Variants in RANBP2 observed in about 807,000 individuals in gnomAD.
The protein encoded by RANBP2 is E3 SUMO-protein ligase RanBP2.
RANBP2 carries 57 observed loss-of-function variants against 303.6 expected under a neutral mutation model. That is an observed-to-expected ratio of 0.19 (90% CI 0.15 to 0.23). The LOEUF is 0.23. Among genes scored for constraint, RANBP2 ranks in the 10% least tolerant of loss-of-function variants. The pLI, the probability that RANBP2 is intolerant of heterozygous loss-of-function variation, is 1.00. For synonymous variants in RANBP2, 1,167 were observed against 1,301.5 expected (o/e 0.90, Z 2.23); for missense variants, 3,138 against 3,780.8 (o/e 0.83, Z 4.46).
the RANBP2 span, among the ~76,000 whole-genome samples, chr2:109,558,444 A>G: frequency 1.3e-5 from 2 of 152,230 alleles, no homozygotes; most frequent in Non-Finnish European, 2.9e-5. Context: ...ATTTTGTGCT[A>G]AAAAGTTAAA....
At chr2:109,012,533 T>G in the RANBP2 span, among the ~76,000 whole-genome samples, 1 of 152,174 alleles carries the variant, frequency 6.6e-6, no homozygotes, top group African/African-American at 2.4e-5. Flanking sequence ...CCTCCGGCAC[T>G]TCACAGAATG....
chr2:109,437,048 C>T, the RANBP2 span: 1 of 1,613,836 alleles, frequency 6.2e-7, no homozygotes, highest in Non-Finnish European at 8.5e-7. Flanking sequence ...ACTCCCCAGG[C>T]CCACGCCCAG....
At chr2:109,247,999 A>G in the RANBP2 span, among the ~76,000 whole-genome samples, 5 of 152,192 alleles carry the variant, frequency 3.3e-5, no homozygotes, top group African/African-American at 1.2e-4. Flanking sequence ...CTCATTAGCC[A>G]AAGGAAGTCA....
chr2:109,647,533 A>T, the RANBP2 span, among the ~76,000 whole-genome samples: 1 of 151,158 alleles, frequency 6.6e-6, no homozygotes, highest in East Asian at 2.0e-4. Flanking sequence ...CAATGGCGTG[A>T]TCTCGGCTCA....
intron 23 of RANBP2, 96 bp from the exon 24 acceptor site, chr2:108,775,634 GAA>G: frequency 1.5e-6 from 2 of 1,294,472 alleles, no homozygotes; most frequent in Non-Finnish European, 2.2e-6. Flanking sequence ...ATCTTCTCCA[GAA>G]GCCCAAGTTC....
downstream of RANBP2, chr2:108,786,677 C>T (rs1303012988): frequency 1.6e-5 from 11 of 709,478 alleles, no homozygotes; most frequent in African/African-American, 1.9e-5. Context: ...GCTGCAGTCT[C>T]CGGGTCGCCC....
At chr2:109,554,595 A>G in the RANBP2 span, among the ~76,000 whole-genome samples, 1 of 152,184 alleles carries the variant, frequency 6.6e-6, no homozygotes, top group Non-Finnish European at 1.5e-5. Flanking sequence ...TGAAGAACCC[A>G]GAGAAAACCT....
chr2:108,937,476 T>C, the RANBP2 span, among the ~76,000 whole-genome samples: 2 of 152,132 alleles, frequency 1.3e-5, no homozygotes, highest in East Asian at 3.8e-4. Context: ...TATGTGAGTG[T>C]GTGCATAAGA....
intron 12 of RANBP2, 108 bp from the exon 13 acceptor site, chr2:108,752,890 A>T: frequency 1.2e-6 from 2 of 1,600,146 alleles, no homozygotes; most frequent in Non-Finnish European, 1.7e-6. Flanking sequence ...TTGAGATACC[A>T]TTTGGTTTTG....
chr2:109,501,502 G>A, the RANBP2 span: 1 of 776,682 alleles, frequency 1.3e-6, no homozygotes, highest in Non-Finnish European at 2.4e-6. Context: ...TGTTTCCCCA[G>A]GTACCGCGTG....
the RANBP2 span, among the ~76,000 whole-genome samples, chr2:108,871,214 G>T: frequency 6.6e-6 from 1 of 151,734 alleles, no homozygotes; most frequent in South Asian, 2.1e-4. Flanking sequence ...AAAATAAAAT[G>T]GATTAGAGTC....
chr2:109,220,643 A>G, the RANBP2 span, among the ~76,000 whole-genome samples: 1 of 152,236 alleles, frequency 6.6e-6, no homozygotes. Context: ...AGATATACAA[A>G]TGGCCAGTAA....
the RANBP2 span, among the ~76,000 whole-genome samples, chr2:108,849,783 C>T: frequency 6.6e-6 from 1 of 152,334 alleles, no homozygotes; most frequent in South Asian, 2.1e-4. Context: ...TTCTTATGAG[C>T]CCAAACCTGT....
chr2:109,534,638 G>T, the RANBP2 span, among the ~76,000 whole-genome samples: 6 of 152,012 alleles, frequency 3.9e-5, no homozygotes, highest in Admixed American at 2.6e-4. Flanking sequence ...AAATTAGCTG[G>T]GCGTGATGGC....
chr2:108,764,446 A>G lies in RANBP2; in HGVS notation c.3907A>G (p.Ser1303Gly). The G allele has an allele frequency of 1.9e-6, 3 of 1,614,046 alleles. No homozygotes were observed. The highest frequency in any genetic ancestry group is 2.5e-6 in the Non-Finnish European group (3 of 1,179,980). The change falls in exon 20 of 29, where the codon AGC (serine) becomes GGC (glycine). Residue 1303 changes from serine to glycine, a missense_variant. By Grantham distance (56) the Ser-to-Gly change is moderately conservative. This residue lies in a region of RANBP2 where 388 missense variants were observed against 328.5 expected (regional missense o/e 1.18). Transcript: ENST00000283195. ...LFKCKFEEAQ[S>G]ILKAPGTNVA... ...TAAATGCAAGTTTGAAGAAGCCCAG[A>G]GCATTTTAAAAGCCCCAGGAACAAA...
At chr2:109,236,279 C>T in the RANBP2 span, among the ~76,000 whole-genome samples, 1 of 152,176 alleles carries the variant, frequency 6.6e-6, no homozygotes, top group African/African-American at 2.4e-5. Flanking sequence ...GTCCTAAAGT[C>T]CAGGTTGTTT....
At chr2:109,697,083 T>C in the RANBP2 span, among the ~76,000 whole-genome samples, 1 of 152,216 alleles carries the variant, frequency 6.6e-6, no homozygotes, top group African/African-American at 2.4e-5. Context: ...TGCCCATTTA[T>C]GTAAATTAAA....
the RANBP2 span, among the ~76,000 whole-genome samples, chr2:109,156,485 G>T: frequency 2.0e-5 from 3 of 150,214 alleles, no homozygotes; most frequent in Admixed American, 6.6e-5. Flanking sequence ...TGCTCTTGTT[G>T]TCCAGGCTGG....
chr2:109,134,705 A>G, the RANBP2 span, among the ~76,000 whole-genome samples: 1 of 152,146 alleles, frequency 6.6e-6, no homozygotes, highest in African/African-American at 2.4e-5. Flanking sequence ...GGCCTTGGTT[A>G]GAAGAGTCCT....
Sources: gnomAD v4.1 joint callset for allele counts (sites outside exome capture counted in the v4.1 genomes callset) on GRCh38, gnomAD v4.1.1 for gene constraint, gnomAD v4.1.1 regional missense constraint, MANE v1.5 for transcripts, NCBI Gene and HGNC (gene_info 2026-07-23, HGNC 2026-07-21) for gene names.